Variants in DOK5 observed in about 807,000 individuals in gnomAD.
The protein encoded by DOK5 is docking protein 5.
A neutral mutation model predicts 43.3 loss-of-function variants in DOK5; 27 were observed. That is an observed-to-expected ratio of 0.62 (90% confidence interval 0.46 to 0.86). DOK5 has a LOEUF of 0.86. DOK5 is among the 40% of genes least tolerant of loss of function. The pLI is 0.00. For missense variants in DOK5, 373 were observed against 392.9 expected, an observed-to-expected ratio of 0.95 and a Z score of 0.43; for synonymous variants, 146 against 140.1, an observed-to-expected ratio of 1.04 and a Z score of -0.30.
At chr20:54,617,789 C>G (rs896788175) in intron 6 of DOK5, among the ~76,000 whole-genome samples, 61 of 152,200 alleles carry the variant, frequency 4.0e-4, no homozygotes. Flanking sequence ...TGATTTTTCA[C>G]TTTTAAATAT....
intron 6 of DOK5, among the ~76,000 whole-genome samples, chr20:54,621,845 G>C (rs934728680): frequency 1.2e-4 from 18 of 152,102 alleles, no homozygotes; most frequent in African/African-American, 4.3e-4. Context: ...ACTGGCTCCG[G>C]TTCCCACACT....
intron 2 of DOK5, among the ~76,000 whole-genome samples, chr20:54,578,460 C>T (rs1985527658): frequency 6.6e-6 from 1 of 151,990 alleles, no homozygotes; most frequent in Non-Finnish European, 1.5e-5. Context: ...TGAGAAGAGT[C>T]AAATGATTAA....
At chr20:54,553,196 T>G (rs1600697943) in intron 1 of DOK5, among the ~76,000 whole-genome samples, 2 of 152,178 alleles carry the variant, frequency 1.3e-5, no homozygotes, top group East Asian at 3.9e-4. Flanking sequence ...AGGATAGATT[T>G]CTATTCTTTT....
At chr20:54,608,511 TG>T (rs1986540785) in intron 5 of DOK5, among the ~76,000 whole-genome samples, 1 of 152,122 alleles carries the variant, frequency 6.6e-6, no homozygotes, top group African/African-American at 2.4e-5. Context: ...AGGGAAGAAA[TG>T]GGACTTTACT....
At chr20:54,482,787 G>A (rs73142905) in intron 1 of DOK5, among the ~76,000 whole-genome samples, 3 of 152,092 alleles carry the variant, frequency 2.0e-5, no homozygotes, top group Non-Finnish European at 2.9e-5. Flanking sequence ...GTGAGCCACC[G>A]TGCCCGGCCT....
rs149557410 is a variant in DOK5 at position 54,501,590 on chromosome 20, G to A, written c.66+25578G>A. Among the ~76,000 whole-genome samples the A allele has an allele frequency of 3.7e-3, 563 of 151,812 alleles. 3 individuals carry two copies. The highest frequency in any genetic ancestry group is 0.013 in the African/African-American group (532 of 41,422). ...GTCATCCATGCACTGGTTATAGGAT[G>A]TGGCTCAGAATCCCAAACTAAGTAA... On this transcript the variant is annotated intron_variant, in intron 1 of 7. Transcript: ENST00000262593.
At chr20:54,559,586 G>A (rs1984832501) in intron 2 of DOK5, among the ~76,000 whole-genome samples, 1 of 152,178 alleles carries the variant, frequency 6.6e-6, no homozygotes, top group Non-Finnish European at 1.5e-5. Flanking sequence ...AACGTTTATG[G>A]CCCCATCTTT....
In DOK5 at chr20:54,533,307, A is replaced by G. The variant is rs1217781513; in HGVS notation, c.67-21626A>G. On this transcript the variant is annotated intron_variant, in intron 1 of 7. Coordinates refer to ENST00000262593, the MANE Select transcript of DOK5 (RefSeq NM_018431.5). ...CAAATGTCCACTGGGGGACACCATC[A>G]CTCCTAGTTGAGAGCTATTGCTGTA... 3.9e-5 allele frequency among the ~76,000 whole-genome samples: 6 copies of G among 151,954 alleles called. No individual in the cohort carries two copies. In the East Asian group the frequency reaches 1.2e-3, roughly 29 times the overall value.
At chr20:54,525,530 C>A (rs1983546818) in intron 1 of DOK5, among the ~76,000 whole-genome samples, 1 of 152,078 alleles carries the variant, frequency 6.6e-6, no homozygotes, top group Non-Finnish European at 1.5e-5. Context: ...CTTAAGGCTA[C>A]AGGTAAGAAA....
intron 6 of DOK5, among the ~76,000 whole-genome samples, chr20:54,639,384 C>A (rs576941816): frequency 1.3e-5 from 2 of 152,358 alleles, no homozygotes; most frequent in African/African-American, 4.8e-5. Flanking sequence ...AACCCCAAAT[C>A]AACCTCCAGT....
intron 2 of DOK5, among the ~76,000 whole-genome samples, chr20:54,568,315 G>A (rs966484784): frequency 5.9e-5 from 9 of 152,144 alleles, no homozygotes; most frequent in Non-Finnish European, 1.3e-4. Flanking sequence ...ATACCTCTAA[G>A]ATACAATCTA....
At chr20:54,591,580 T>C (rs1420316293) in intron 4 of DOK5, 36 bp from the exon 5 acceptor site, 2 of 1,478,398 alleles carry the variant, frequency 1.4e-6, no homozygotes, top group East Asian at 2.4e-5. Flanking sequence ...GTTTTATTCC[T>C]GGGGATTTTA....
At chr20:54,633,958 C>T (rs973368270) in intron 6 of DOK5, among the ~76,000 whole-genome samples, 7 of 152,268 alleles carry the variant, frequency 4.6e-5, no homozygotes, top group African/African-American at 1.7e-4. Context: ...CAGTTGGATT[C>T]CAGAGAAGGA....
At chr20:54,521,934 C>A (rs973915201) in intron 1 of DOK5, among the ~76,000 whole-genome samples, 7 of 152,180 alleles carry the variant, frequency 4.6e-5, no homozygotes, top group Admixed American at 4.6e-4. Context: ...TGTGCTGGAA[C>A]CAGGGACAAA....
chr20:54,584,998 A>C (rs1985759523), intron 2 of DOK5, among the ~76,000 whole-genome samples: 1 of 152,154 alleles, frequency 6.6e-6, no homozygotes, highest in Non-Finnish European at 1.5e-5. Flanking sequence ...GTTTTATGTG[A>C]CTTGTAAATA....
chr20:54,538,701 A>G (rs1411541222), intron 1 of DOK5, among the ~76,000 whole-genome samples: 5 of 152,228 alleles, frequency 3.3e-5, no homozygotes, highest in Admixed American at 3.3e-4. Context: ...AAGTAAAATT[A>G]TGTGAAGGGT....
At chr20:54,639,959 C>T (rs868362331) in intron 6 of DOK5, among the ~76,000 whole-genome samples, 4 of 152,172 alleles carry the variant, frequency 2.6e-5, no homozygotes, top group East Asian at 1.9e-4. Flanking sequence ...TTCAGGGTCA[C>T]GGGTGGCCAG....
chr20:54,617,606 T>A (rs111485331), intron 6 of DOK5, among the ~76,000 whole-genome samples: 2,980 of 152,318 alleles, frequency 0.02, 31 homozygotes, highest in Middle Eastern at 0.051. Context: ...ATTACAGGTA[T>A]GAGCCACTGT....
At chr20:54,494,222 A>T (rs1444729325) in intron 1 of DOK5, among the ~76,000 whole-genome samples, 1 of 152,048 alleles carries the variant, frequency 6.6e-6, no homozygotes, top group African/African-American at 2.4e-5. Flanking sequence ...TTATTGTTGT[A>T]CTCTTAATGT....
Sources: gnomAD v4.1 joint callset for allele counts (sites outside exome capture counted in the v4.1 genomes callset) on GRCh38, gnomAD v4.1.1 for gene constraint, MANE v1.5 for transcripts, NCBI Gene and HGNC (gene_info 2026-07-23, HGNC 2026-07-21) for gene names.